The following GPR89B variants were observed in gnomAD, a reference collection of about 807,000 sequenced individuals.
GPR89B encodes golgi pH regulator B, also known as G protein-coupled receptor 89B.
Under a neutral mutation model 52.4 loss-of-function variants are expected in GPR89B, and 25 were observed. The observed-to-expected ratio is 0.48, with a 90% CI of 0.35 to 0.67. GPR89B has a LOEUF of 0.67. Among genes scored for constraint, GPR89B ranks in the 30% least tolerant of loss-of-function variants. The probability of loss-of-function intolerance (pLI) is 0.01; values close to 1 mark genes in which losing one functional copy is unlikely to be tolerated. For synonymous variants in GPR89B, 52 were observed against 151.2 expected (o/e 0.34, Z 4.81); for missense variants, 146 against 450.2 (o/e 0.32, Z 6.11).
chr1:147,982,032 C>T lies in GPR89B; in HGVS notation c.910-4167C>T, dbSNP rs1658293373. On this transcript the variant is annotated intron_variant, in intron 10 of 13. Transcript: ENST00000314163. ...AGGGGTAGAATTGCTGTGTCATATG[C>T]TAAGTATATGTTTAACCTTTTTATT... Among the ~76,000 whole-genome samples, 3 of 151,554 alleles carry T rather than the reference C, an allele frequency of 2.0e-5. No individual in the cohort carries two copies. The South Asian group carries it at 6.2e-4, about 32-fold the overall frequency.
chr1:148,025,385 CA>C, the GPR89B span, among the ~76,000 whole-genome samples: 1 of 151,494 alleles, frequency 6.6e-6, no homozygotes, highest in Admixed American at 6.6e-5. Context: ...TTGCCAGGCG[CA>C]GTGGCTCACA....
chr1:148,012,692 T>C, the GPR89B span, among the ~76,000 whole-genome samples: 1 of 151,908 alleles, frequency 6.6e-6, no homozygotes, highest in Non-Finnish European at 1.5e-5. Flanking sequence ...TATCTCCGTT[T>C]CAGGAGATAT....
At chr1:148,006,874 G>A in the GPR89B span, among the ~76,000 whole-genome samples, 11 of 148,054 alleles carry the variant, frequency 7.4e-5, no homozygotes, top group East Asian at 8.2e-4. Context: ...CTGCCACCGC[G>A]CCTGGCTAAT....
chr1:147,955,221 C>T (rs1406799082), intron 7 of GPR89B, among the ~76,000 whole-genome samples: 1 of 151,906 alleles, frequency 6.6e-6, no homozygotes, highest in African/African-American at 2.4e-5. Context: ...TTCAAGTTGT[C>T]ACAAATGAAA....
chr1:147,994,221 C>T (rs1659257829), downstream of GPR89B: 1 of 1,600,552 alleles, frequency 6.2e-7, no homozygotes, highest in Admixed American at 1.7e-5. Context: ...CAGGTCGCAA[C>T]TCATTCTTTG....
rs1467493888 is a variant in GPR89B, at chr1:147,954,061, T to TTA, written c.537-248_537-247dup. ...AAATAAAAATATTTAAATATATATT[T>TTA]TATATATATATATAAATGTAACTGG... On this transcript the variant is annotated intron_variant, in intron 6 of 13. Coordinates refer to ENST00000314163, the MANE Select transcript of GPR89B (RefSeq NM_016334.5). Among the ~76,000 whole-genome samples, 75 of 140,646 alleles carry TTA rather than the reference T, an allele frequency of 5.3e-4. 1 individual carries two copies. The highest frequency in any genetic ancestry group is 7.3e-3 in the Middle Eastern group (2 of 274). The allele number at this position is 140,646 out of a possible 152,430, so 92.3% of individuals were successfully genotyped here.
chr1:148,024,106 C>CA, the GPR89B span, among the ~76,000 whole-genome samples: 3 of 146,744 alleles, frequency 2.0e-5, no homozygotes, highest in African/African-American at 7.8e-5. Flanking sequence ...AAATGACAAC[C>CA]AACCACAGAC....
chr1:148,003,474 A>T, the GPR89B span, among the ~76,000 whole-genome samples: 1 of 152,204 alleles, frequency 6.6e-6, no homozygotes, highest in African/African-American at 2.4e-5. Flanking sequence ...GAGTATTTAC[A>T]TCACAAAATA....
At chr1:147,968,776 C>T (rs1279943168) in intron 8 of GPR89B, 99 bp from the exon 9 acceptor site, 29 of 1,590,514 alleles carry the variant, frequency 1.8e-5, no homozygotes, top group South Asian at 5.5e-5. Context: ...TAGGCAACTC[C>T]GGGAATCCAC....
At chr1:147,948,258 G>GT (rs1655177439) in intron 5 of GPR89B, among the ~76,000 whole-genome samples, 1 of 152,170 alleles carries the variant, frequency 6.6e-6, no homozygotes, top group Non-Finnish European at 1.5e-5. Flanking sequence ...GAGACATCAT[G>GT]TAAAGCCCTG....
In GPR89B at chr1:147,945,648, C is replaced by T. The variant is rs587658337; in HGVS notation, c.415+1550C>T. 9.8e-3 allele frequency among the ~76,000 whole-genome samples: 1,485 copies of T among 152,172 alleles called. 8 individuals are homozygous for T. The highest frequency in any genetic ancestry group is 0.014 in the Non-Finnish European group (937 of 68,000). ...CAAAAGCATTCAAACTCTTAGGTGG[C>T]GTATGAGACCTTTCATGACCTGGCT... On this transcript the variant is annotated intron_variant, in intron 5 of 13. Coordinates refer to ENST00000314163, the MANE Select transcript of GPR89B (RefSeq NM_016334.5).
the GPR89B span, among the ~76,000 whole-genome samples, chr1:148,019,087 C>T: frequency 4.6e-5 from 7 of 151,824 alleles, no homozygotes; most frequent in Non-Finnish European, 8.8e-5. Flanking sequence ...AGGGATTCTT[C>T]TGCCTCAGCC....
At chr1:147,944,983 A>G (rs1654844788) in intron 5 of GPR89B, among the ~76,000 whole-genome samples, 1 of 151,594 alleles carries the variant, frequency 6.6e-6, no homozygotes, top group African/African-American at 2.4e-5. Context: ...ACTGTAACTA[A>G]TTTAAAGCAG....
chr1:147,958,834 C>T (rs1362574121), intron 7 of GPR89B, among the ~76,000 whole-genome samples: 1 of 151,868 alleles, frequency 6.6e-6, no homozygotes, highest in Non-Finnish European at 1.5e-5. Flanking sequence ...GAGTGGCTCA[C>T]AGAAGAATCA....
At chr1:147,965,961 C>G (rs1657003530) in intron 7 of GPR89B, among the ~76,000 whole-genome samples, 1 of 151,834 alleles carries the variant, frequency 6.6e-6, no homozygotes, top group Non-Finnish European at 1.5e-5. Context: ...ATTCTCCTGC[C>G]TCAGCCTCCC....
chr1:147,936,838 G>A, intron 2 of GPR89B, 152 bp downstream of exon 2: 1 of 701,980 alleles, frequency 1.4e-6, no homozygotes, highest in Non-Finnish European at 2.4e-6. Flanking sequence ...AATATAAGTA[G>A]ACTTAATTGA....
chr1:148,013,553 G>C, the GPR89B span, among the ~76,000 whole-genome samples: 1 of 152,042 alleles, frequency 6.6e-6, no homozygotes, highest in South Asian at 2.1e-4. Context: ...GTCTTTCATG[G>C]GTAAGAGTGG....
chr1:148,023,410 C>A, the GPR89B span, among the ~76,000 whole-genome samples: 1 of 145,976 alleles, frequency 6.9e-6, no homozygotes, highest in African/African-American at 2.7e-5. Flanking sequence ...ATCATAGGAG[C>A]GCATGTGTCT....
At chr1:148,006,819 C>T in the GPR89B span, among the ~76,000 whole-genome samples, 6 of 151,744 alleles carry the variant, frequency 4.0e-5, no homozygotes, top group South Asian at 4.2e-4. Context: ...CCGGTTCAAG[C>T]GATTCTTCTG....
Sources: gnomAD v4.1 joint callset for allele counts (sites outside exome capture counted in the v4.1 genomes callset) on GRCh38, gnomAD v4.1.1 for gene constraint, MANE v1.5 for transcripts, NCBI Gene and HGNC (gene_info 2026-07-23, HGNC 2026-07-21) for gene names.